Variants in FBXL13 observed in about 807,000 individuals in gnomAD.
FBXL13 encodes the protein F-box and leucine rich repeat protein 13.
In FBXL13, 67 loss-of-function variants were observed where a neutral mutation model predicts 83.6. That is an observed-to-expected ratio of 0.80 (90% CI 0.66 to 0.98). The LOEUF (loss-of-function observed/expected upper bound fraction) is 0.98. Among genes scored for constraint, FBXL13 ranks in the 50% least tolerant of loss-of-function variants. The probability of loss-of-function intolerance (pLI) is 0.00; values close to 1 mark genes in which losing one functional copy is unlikely to be tolerated. For synonymous variants in FBXL13, 272 were observed against 299.5 expected (o/e 0.91, Z 0.95); for missense variants, 822 against 866.5 (o/e 0.95, Z 0.64).
intron 8 of FBXL13, chr7:102,933,251 G>A (rs1819570974): frequency 6.6e-6 from 1 of 152,012 alleles, no homozygotes; most frequent in South Asian, 2.1e-4. Context: ...CACCCAACAT[G>A]GTTGGTGACT....
intron 17 of FBXL13, among the ~76,000 whole-genome samples, chr7:102,852,404 C>T (rs533606237): frequency 6.6e-6 from 1 of 152,136 alleles, no homozygotes; most frequent in Non-Finnish European, 1.5e-5. Flanking sequence ...AGACAATGCA[C>T]AGAGTGGGAG....
intron 6 of FBXL13, among the ~76,000 whole-genome samples, chr7:102,972,019 C>A: frequency 6.8e-6 from 1 of 147,766 alleles, no homozygotes. Context: ...GAGTGAGAGT[C>A]CATCTCAAAA....
chr7:102,929,248 G>A (rs1022858834), intron 9 of FBXL13, among the ~76,000 whole-genome samples: 4 of 152,140 alleles, frequency 2.6e-5, no homozygotes, highest in African/African-American at 9.7e-5. Context: ...AATTACTAAA[G>A]GAGGATTTTC....
chr7:102,978,248 C>G (rs1011228241), intron 6 of FBXL13: 4 of 152,162 alleles, frequency 2.6e-5, no homozygotes, highest in Non-Finnish European at 5.9e-5. Flanking sequence ...CACGCCACCC[C>G]CTATGTCATG....
chr7:102,949,150 A>T (rs1823008592), intron 8 of FBXL13, among the ~76,000 whole-genome samples: 1 of 152,214 alleles, frequency 6.6e-6, no homozygotes, highest in African/African-American at 2.4e-5. Context: ...TCAGAAAACC[A>T]ATCTTCCCAG....
chr7:103,061,080 A>C (rs934006006), intron 1 of FBXL13, among the ~76,000 whole-genome samples: 1 of 152,254 alleles, frequency 6.6e-6, no homozygotes, highest in African/African-American at 2.4e-5. Context: ...CTATAAATGA[A>C]TATTCCGGAA....
intron 2 of FBXL13, among the ~76,000 whole-genome samples, chr7:103,040,968 T>TA (rs1318365189): frequency 6.6e-6 from 1 of 151,936 alleles, no homozygotes; most frequent in Non-Finnish European, 1.5e-5. Context: ...AGGCAAGAAA[T>TA]AACTAAGATT....
chr7:103,054,344 C>T (rs955065639), intron 2 of FBXL13, among the ~76,000 whole-genome samples: 5 of 149,754 alleles, frequency 3.3e-5, no homozygotes, highest in South Asian at 2.1e-4. Context: ...GAGCCAAGAT[C>T]GCGCCATTGC....
chr7:102,970,788 T>C (rs1373192463), intron 6 of FBXL13, among the ~76,000 whole-genome samples: 1 of 152,154 alleles, frequency 6.6e-6, no homozygotes, highest in African/African-American at 2.4e-5. Flanking sequence ...ATTAAAAATA[T>C]AGTTATTGAA....
rs184997451 is a variant in FBXL13 at position 103,009,534 on chromosome 7, T to G, written c.495+15529A>C. Among the ~76,000 whole-genome samples, 356 of 152,314 alleles carry G rather than the reference T, an allele frequency of 2.3e-3. 1 individual carries two copies. Among genetic ancestry groups the G allele is most frequent in the Middle Eastern group, 0.02 (6 of 294 alleles). On this transcript the variant is annotated intron_variant, in intron 6 of 19. Transcript: ENST00000313221. The stretch of plus-strand genomic sequence containing the variant: ...CCTGGTTTCCCCCAACACCCTGCTA[T>G]CACACTTTAGACTGAGGCAGAAAGC...
intron 2 of FBXL13, among the ~76,000 whole-genome samples, chr7:103,049,478 T>C: frequency 6.6e-6 from 1 of 152,246 alleles, no homozygotes; most frequent in East Asian, 1.9e-4. Flanking sequence ...TTAGAGTTCT[T>C]TTATACAAAC....
At chr7:102,931,608 A>G (rs1819190978) in intron 9 of FBXL13, among the ~76,000 whole-genome samples, 1 of 152,178 alleles carries the variant, frequency 6.6e-6, no homozygotes, top group African/African-American at 2.4e-5. Context: ...TTTCTGTCTC[A>G]TACACACATA....
At chr7:102,858,193 A>G (rs1806305200) in intron 16 of FBXL13, among the ~76,000 whole-genome samples, 1 of 152,222 alleles carries the variant, frequency 6.6e-6, no homozygotes, top group Non-Finnish European at 1.5e-5. Context: ...GCAAAATAAG[A>G]TAAGCACAGA....
At chr7:103,021,738 A>C (rs1197921325) in intron 6 of FBXL13, among the ~76,000 whole-genome samples, 6 of 152,244 alleles carry the variant, frequency 3.9e-5, no homozygotes, top group Admixed American at 3.9e-4. Context: ...AAAAATGCTC[A>C]TCATCCCTGG....
At chr7:102,837,784 C>T (rs1033553078) in intron 17 of FBXL13, among the ~76,000 whole-genome samples, 1 of 152,218 alleles carries the variant, frequency 6.6e-6, no homozygotes, top group Admixed American at 6.5e-5. Flanking sequence ...ATCAAGTGAT[C>T]CTTCCTCCTT....
chr7:102,913,015 G>C, intron 11 of FBXL13, 71 bp downstream of exon 12: 1 of 1,602,886 alleles, frequency 6.2e-7, no homozygotes, highest in Non-Finnish European at 8.5e-7. Flanking sequence ...TATAACGTGA[G>C]GGCTGAATGC....
chr7:103,065,844 C>CTAGTGAGCAG (rs1437577220), intron 1 of FBXL13, among the ~76,000 whole-genome samples: 1 of 152,240 alleles, frequency 6.6e-6, no homozygotes, highest in Non-Finnish European at 1.5e-5. Context: ...CCAGCTCACA[C>CTAGTGAGCAG]TAGTGAGCAG....
chr7:102,855,312 G>A (rs1035798661), intron 16 of FBXL13, among the ~76,000 whole-genome samples: 1 of 152,008 alleles, frequency 6.6e-6, no homozygotes, highest in African/African-American at 2.4e-5. Flanking sequence ...CCTTGAAGAG[G>A]AAGAGAATAG....
intron 11 of FBXL13, among the ~76,000 whole-genome samples, chr7:102,905,100 A>C (rs1289630361): frequency 2.0e-5 from 3 of 152,180 alleles, no homozygotes; most frequent in Non-Finnish European, 2.9e-5. Flanking sequence ...TCTTGGATGA[A>C]GTGTTCTGTA....
Sources: gnomAD v4.1 joint callset for allele counts (sites outside exome capture counted in the v4.1 genomes callset) on GRCh38, gnomAD v4.1.1 for gene constraint, MANE v1.5 for transcripts, NCBI Gene and HGNC (gene_info 2026-07-23, HGNC 2026-07-21) for gene names.